Variants in KHDC1 observed in about 807,000 individuals in gnomAD.
The protein encoded by KHDC1 is KH homology domain-containing protein 1.
A neutral mutation model predicts 24.7 loss-of-function variants in KHDC1; 21 were observed. The observed-to-expected ratio is 0.85, with a 90% CI of 0.60 to 1.23. The LOEUF is 1.23. Among genes scored for constraint, KHDC1 ranks in the 50% most tolerant of loss-of-function variants. The pLI is 0.00. For synonymous variants in KHDC1, 98 were observed against 111.7 expected, an observed-to-expected ratio of 0.88 and a Z score of 0.77; for missense variants, 274 against 298.5, an observed-to-expected ratio of 0.92 and a Z score of 0.61.
chr6:73,269,084 A>T (rs1039303416), intron 2 of KHDC1: 3 of 154,942 alleles, frequency 1.9e-5, no homozygotes, highest in Non-Finnish European at 4.3e-5. Flanking sequence ...CTGCTGGGGG[A>T]CCCAGTACAC....
At chr6:73,283,090 A>T (rs1387183703) in intron 2 of KHDC1, among the ~76,000 whole-genome samples, 2 of 152,216 alleles carry the variant, frequency 1.3e-5, no homozygotes, top group African/African-American at 2.4e-5. Flanking sequence ...AGGCTGAAGT[A>T]GTCTGTCAGT....
chr6:73,267,851 T>C (rs957812658), intron 2 of KHDC1, among the ~76,000 whole-genome samples: 4 of 151,958 alleles, frequency 2.6e-5, no homozygotes, highest in African/African-American at 9.7e-5. Flanking sequence ...TTTTTTTTTT[T>C]CTGAGATGGA....
intron 2 of KHDC1, among the ~76,000 whole-genome samples, chr6:73,281,594 G>A (rs183655691): frequency 6.8e-6 from 1 of 148,006 alleles, no homozygotes; most frequent in African/African-American, 2.5e-5. Flanking sequence ...TCCAGCCTGG[G>A]CAGTAAGAGT....
intron 1 of KHDC1, among the ~76,000 whole-genome samples, chr6:73,302,322 T>G (rs1240414618): frequency 1.2e-4 from 19 of 152,268 alleles, no homozygotes; most frequent in Non-Finnish European, 2.9e-5. Context: ...AAAGAAAATC[T>G]GGAATGAATC....
intron 2 of KHDC1, among the ~76,000 whole-genome samples, chr6:73,244,353 G>C (rs1431815644): frequency 6.6e-6 from 1 of 152,046 alleles, no homozygotes; most frequent in African/African-American, 2.4e-5. Flanking sequence ...AGGCTGGGGA[G>C]TTACTGAAGA....
chr6:73,264,909 A>G (rs1289645187), intron 2 of KHDC1, among the ~76,000 whole-genome samples: 1 of 152,200 alleles, frequency 6.6e-6, no homozygotes, highest in Non-Finnish European at 1.5e-5. Context: ...CACAACTTCA[A>G]GTAAGCCCGG....
intron 2 of KHDC1, among the ~76,000 whole-genome samples, chr6:73,252,545 C>G (rs1216721736): frequency 6.6e-6 from 1 of 151,972 alleles, no homozygotes. Flanking sequence ...TTCAATGGCT[C>G]ACATCTGTAA....
exon 5 of KHDC1, chr6:73,241,680 T>A: frequency 6.2e-7 from 1 of 1,614,100 alleles, no homozygotes; most frequent in South Asian, 1.1e-5. Context: ...GGTGACCAGG[T>A]CATCGTTGGT....
intron 2 of KHDC1, among the ~76,000 whole-genome samples, chr6:73,249,264 G>C (rs1766733527): frequency 1.3e-5 from 2 of 152,026 alleles, no homozygotes; most frequent in South Asian, 4.2e-4. Flanking sequence ...CGAGGCGACA[G>C]AGTGAAACCC....
chr6:73,245,498 G>C (rs539222689), intron 2 of KHDC1, among the ~76,000 whole-genome samples: 1 of 152,274 alleles, frequency 6.6e-6, no homozygotes, highest in South Asian at 2.1e-4. Flanking sequence ...CAGAGTACAG[G>C]TTCAGGAAGT....
At chr6:73,243,673 C>CA (rs1278747102) in intron 2 of KHDC1, among the ~76,000 whole-genome samples, 1 of 152,234 alleles carries the variant, frequency 6.6e-6, no homozygotes, top group Admixed American at 6.5e-5. Flanking sequence ...GCCATGAAAT[C>CA]ATGCCCCAAC....
In KHDC1 at chr6:73,304,017, A is replaced by T. The variant is rs1053921336; in HGVS notation, c.163+5535T>A. Among the ~76,000 whole-genome samples the T allele has an allele frequency of 2.5e-4, 38 of 152,178 alleles. 1 individual carries two copies. Among genetic ancestry groups the T allele is most frequent in the Non-Finnish European group, 4.4e-5 (3 of 68,014 alleles). On this transcript the variant is annotated intron_variant, in intron 1 of 4. Transcript: ENST00000370384. ...AACGTGGGGAAACCCCTTCTCTACT[A>T]AAAATACAAAACTTAGCCAGGCGTG...
chr6:73,279,312 G>A (rs1767359991), intron 2 of KHDC1, among the ~76,000 whole-genome samples: 1 of 152,082 alleles, frequency 6.6e-6, no homozygotes, highest in African/African-American at 2.4e-5. Flanking sequence ...GGAGCCTGAG[G>A]CAGGAGAATT....
intron 2 of KHDC1, among the ~76,000 whole-genome samples, chr6:73,276,802 T>C (rs1767307428): frequency 6.6e-6 from 1 of 152,242 alleles, no homozygotes; most frequent in Non-Finnish European, 1.5e-5. Context: ...GTGTTTTCTG[T>C]ACTCTATATT....
At chr6:73,251,689 T>C (rs141933976) in intron 2 of KHDC1, among the ~76,000 whole-genome samples, 2 of 152,272 alleles carry the variant, frequency 1.3e-5, no homozygotes, top group East Asian at 1.9e-4. Flanking sequence ...ACTAAAACCA[T>C]AGATTCAGCC....
chr6:73,253,321 CG>C (rs770615354), intron 2 of KHDC1, among the ~76,000 whole-genome samples: 84 of 152,030 alleles, frequency 5.5e-4, no homozygotes, highest in Non-Finnish European at 9.6e-4. Context: ...TTTGGGAGGC[CG>C]AGGGGGGTGG....
At chr6:73,267,948 T>C (rs1767103657) in intron 2 of KHDC1, 1 of 152,304 alleles carries the variant, frequency 6.6e-6, no homozygotes, top group South Asian at 2.1e-4. Flanking sequence ...GCAATTCTCC[T>C]GCCTCAACCC....
chr6:73,282,676 C>A (rs1344053979), intron 2 of KHDC1, among the ~76,000 whole-genome samples: 1 of 152,170 alleles, frequency 6.6e-6, no homozygotes, highest in Non-Finnish European at 1.5e-5. Context: ...ACAGACCCTG[C>A]ACTTGATGGA....
chr6:73,268,476 G>C (rs147248032), intron 2 of KHDC1: 1 of 152,236 alleles, frequency 6.6e-6, no homozygotes, highest in African/African-American at 2.4e-5. Context: ...TGCTGGCTCC[G>C]GAAGCCTGCT....
Sources: allele counts gnomAD v4.1 joint callset (sites outside exome capture counted in the v4.1 genomes callset), GRCh38; gene constraint gnomAD v4.1.1; transcripts MANE v1.5; gene names NCBI Gene and HGNC (gene_info 2026-07-23, HGNC 2026-07-21).